SHROOM4: variants seen among roughly 807,000 people sequenced by gnomAD.
SHROOM4 encodes shroom family member 4, also known as protein Shroom4.
Under a neutral mutation model 80.3 loss-of-function variants are expected in SHROOM4, and 17 were observed. The ratio of observed to expected loss-of-function variants is 0.21; its 90% CI spans 0.14 to 0.32. The LOEUF (loss-of-function observed/expected upper bound fraction) is 0.32, where lower values mean the gene tolerates loss of function less well. SHROOM4 is among the 10% of genes least tolerant of loss of function. The pLI is 1.00. For synonymous variants in SHROOM4, 400 were observed against 437.5 expected, an observed-to-expected ratio of 0.91 and a Z score of 1.07; for missense variants, 993 against 1,140.3, an observed-to-expected ratio of 0.87 and a Z score of 1.86.
chrX:50,689,831 C>A (rs1277785779), intron 2 of SHROOM4, among the ~76,000 whole-genome samples: 1 of 111,952 alleles, frequency 8.9e-6, no homozygotes, highest in African/African-American at 3.2e-5. Context: ...CTGTCCTATA[C>A]TATTGAATTA....
intron 1 of SHROOM4, among the ~76,000 whole-genome samples, chrX:50,700,891 T>A (rs1367706543): frequency 8.9e-6 from 1 of 112,068 alleles, no homozygotes; most frequent in Non-Finnish European, 1.9e-5. Flanking sequence ...GTAATCCCTA[T>A]ATGTGGATAG....
At chrX:50,678,043 T>A (rs1453068165) in intron 2 of SHROOM4, among the ~76,000 whole-genome samples, 1 of 111,796 alleles carries the variant, frequency 8.9e-6, no homozygotes, top group Non-Finnish European at 1.9e-5. Context: ...AGTTATTAAG[T>A]CACATCCATT....
the SHROOM4 span, among the ~76,000 whole-genome samples, chrX:50,578,277 T>G: frequency 8.9e-6 from 1 of 112,085 alleles, no homozygotes; most frequent in South Asian, 3.7e-4. Flanking sequence ...TAATTTTATA[T>G]TCAGCCATTT....
chrX:50,596,477 C>A lies in SHROOM4; in HGVS notation c.*218G>T. The stretch of plus-strand genomic sequence containing the variant: ...AGGAGAGTGTGGTTCTAAGATCACA[C>A]CTTGCTGCAGCTCCCTTGGGTAGAA... On this transcript the variant is annotated 3_prime_UTR_variant, in exon 9 of 9. Transcript: ENST00000376020. 1.9e-6 allele frequency: 1 copy of A among 526,212 alleles called. No individual in the cohort carries two copies. The highest frequency in any genetic ancestry group is 2.5e-5 in the South Asian group (1 of 40,309). 43.4% of individuals were successfully genotyped at this position (526,212 alleles called of 1,213,427 possible). A position where few individuals can be genotyped will look rare whatever the true frequency, so the allele number is the denominator to read the frequency against.
intron 2 of SHROOM4, among the ~76,000 whole-genome samples, chrX:50,676,591 C>G (rs1932857452): frequency 9.0e-6 from 1 of 111,246 alleles, no homozygotes; most frequent in African/African-American, 3.3e-5. Flanking sequence ...AATGACTTTT[C>G]TATCCATTAA....
At chrX:50,646,481 T>C (rs1557257918) in intron 2 of SHROOM4, among the ~76,000 whole-genome samples, 1 of 108,218 alleles carries the variant, frequency 9.2e-6, no homozygotes, top group African/African-American at 3.4e-5. Context: ...TGCAGCCTGG[T>C]AATCAGGAAA....
intron 1 of SHROOM4, among the ~76,000 whole-genome samples, chrX:50,727,214 C>T (rs1374954313): frequency 8.9e-6 from 1 of 112,715 alleles, no homozygotes; most frequent in Non-Finnish European, 1.9e-5. Flanking sequence ...TTACCCAATG[C>T]CCATACCCCC....
intron 1 of SHROOM4, among the ~76,000 whole-genome samples, chrX:50,782,256 A>C (rs1220149381): frequency 3.6e-5 from 4 of 111,800 alleles, no homozygotes; most frequent in African/African-American, 1.3e-4. Flanking sequence ...ACAATTAGTA[A>C]ACAGAAAGCA....
At chrX:50,712,033 G>A (rs1166773906) in intron 1 of SHROOM4, among the ~76,000 whole-genome samples, 2 of 112,090 alleles carry the variant, frequency 1.8e-5, no homozygotes, top group African/African-American at 6.5e-5. Flanking sequence ...TCCCAGGGTG[G>A]TTATTGTTGA....
chrX:50,605,951 C>A (rs1478480260), intron 6 of SHROOM4, among the ~76,000 whole-genome samples: 1 of 111,837 alleles, frequency 8.9e-6, no homozygotes, highest in Non-Finnish European at 1.9e-5. Context: ...GTCATTTTCC[C>A]TTTTCCCTGC....
At chrX:50,604,018 C>T (rs1480865851) in intron 6 of SHROOM4, among the ~76,000 whole-genome samples, 1 of 111,770 alleles carries the variant, frequency 8.9e-6, no homozygotes, top group Non-Finnish European at 1.9e-5. Context: ...ACTCATTAGT[C>T]ATTTTTGCAG....
chrX:50,634,077 C>T lies in SHROOM4; in HGVS notation c.1996G>A (p.Glu666Lys), dbSNP rs782246021. ...KSMMLRARSS[E>K]CLSQAPESHE... The stretch of plus-strand genomic sequence containing the variant: ...CTCTCAGGGGCTTGGCTGAGGCACT[C>T]GGAAGACCTAGCTCTGAGCATCATG... The change falls in exon 4 of 9, where the codon GAG (glutamate) becomes AAG (lysine). Residue 666 changes from glutamate to lysine, a missense_variant. By Grantham distance (56) the Glu-to-Lys change is moderately conservative. Coordinates refer to ENST00000376020, the MANE Select transcript of SHROOM4 (RefSeq NM_020717.5). The T allele has an allele frequency of 3.7e-5, 45 of 1,210,034 alleles. No individual in the cohort carries two copies. The highest frequency in any genetic ancestry group is 4.6e-5 in the Non-Finnish European group (41 of 895,196).
intron 1 of SHROOM4, among the ~76,000 whole-genome samples, chrX:50,749,182 A>G (rs1274184577): frequency 2.7e-5 from 3 of 112,392 alleles, no homozygotes; most frequent in East Asian, 2.8e-4. Flanking sequence ...ATTGCACTTC[A>G]GCGTGGGTGC....
At chrX:50,743,828 T>A (rs891457296) in intron 1 of SHROOM4, among the ~76,000 whole-genome samples, 6 of 112,227 alleles carry the variant, frequency 5.3e-5, no homozygotes, top group Non-Finnish European at 9.4e-5. Context: ...TCTTTGTTTA[T>A]CTGGAAACAT....
rs1930350350 is a variant in SHROOM4, at chrX:50,618,277, CCCCTTCCTTCCTTCCTTCCTTCCT to C, written c.2957+9313_2957+9336del. Among the ~76,000 whole-genome samples, 27 of 44,911 alleles carry C rather than the reference CCCCTTCCTTCCTTCCTTCCTTCCT, an allele frequency of 6.0e-4. 1 individual carries two copies. Among genetic ancestry groups the C allele is most frequent in the Admixed American group, 1.8e-3 (5 of 2,813 alleles). 39.0% of individuals were successfully genotyped at this position (44,911 alleles called of 115,157 possible). Reference sequence around the variant, plus strand: ...TTTCTTTCTTTTCTTCTCTTCTCTTCCCCTTCCTTCCTTCCTTCCTTCCTTCCTTCCTTCCTTCCTTCCTTCCTT... The same window carrying C: ...TTTCTTTCTTTTCTTCTCTTCTCTTCTCCTTCCTTCCTTCCTTCCTTCCTT... On this transcript the variant is annotated intron_variant, in intron 5 of 8. Transcript: ENST00000376020.
At chrX:50,756,254 G>A (rs1935036302) in intron 1 of SHROOM4, among the ~76,000 whole-genome samples, 1 of 111,801 alleles carries the variant, frequency 8.9e-6, no homozygotes, top group Admixed American at 9.5e-5. Flanking sequence ...TACAATATGT[G>A]GCCTTATGTG....
chrX:50,803,373 A>C (rs1936167216), intron 1 of SHROOM4, among the ~76,000 whole-genome samples: 1 of 112,201 alleles, frequency 8.9e-6, no homozygotes, highest in Non-Finnish European at 1.9e-5. Flanking sequence ...TAATGAATGA[A>C]TTAATAAGTG....
rs782111664 is a variant in SHROOM4, at chrX:50,596,647, A to C, written c.*48T>G. ...ACTGCTAACAAAGAAGATTGAAAGC[A>C]CTTCCCACATGGCTGGGCAGGGATG... is the stretch of plus-strand genomic sequence containing the variant. On this transcript the variant is annotated 3_prime_UTR_variant, in exon 9 of 9. Coordinates refer to ENST00000376020, the MANE Select transcript of SHROOM4 (RefSeq NM_020717.5). 1 of 1,199,167 alleles carries C rather than the reference A, an allele frequency of 8.3e-7. No homozygotes were observed. The highest frequency in any genetic ancestry group is 1.7e-5 in the African/African-American group (1 of 57,232).
chrX:50,647,847 C>T (rs1557258133), intron 2 of SHROOM4, among the ~76,000 whole-genome samples: 1 of 111,844 alleles, frequency 8.9e-6, no homozygotes, highest in Admixed American at 9.5e-5. Context: ...CACCCAGTCA[C>T]TCTGCTTTGA....
Sources: allele counts gnomAD v4.1 joint callset (sites outside exome capture counted in the v4.1 genomes callset), GRCh38; gene constraint gnomAD v4.1.1; transcripts MANE v1.5; gene names NCBI Gene and HGNC (gene_info 2026-07-23, HGNC 2026-07-21).